GSN: variants seen among roughly 807,000 people sequenced by gnomAD.
GSN encodes the protein actin-depolymerizing factor.
A neutral mutation model predicts 85.7 loss-of-function variants in GSN; 56 were observed. The observed-to-expected ratio is 0.65, with a 90% CI of 0.53 to 0.82. The LOEUF is 0.82. Among genes scored for constraint, GSN ranks in the 40% least tolerant of loss-of-function variants. The pLI is 0.00. For missense variants in GSN, 857 were observed against 979.8 expected (o/e 0.87, Z 1.67); for synonymous variants, 373 against 399.1 (o/e 0.93, Z 0.78).
Position 121,215,088 on chromosome 9 carries a change from C to T in GSN, c.-528+4221C>T, listed in dbSNP as rs1448176596. Reference sequence around the variant, plus strand: ...CAACTTCTGGTGGTAGCCGGCAATCCTTGTTGTTCTTGGATTCTGGCTGCA... The same window carrying T: ...CAACTTCTGGTGGTAGCCGGCAATCTTTGTTGTTCTTGGATTCTGGCTGCA... On this transcript the variant is annotated intron_variant, in intron 4 of 24. Coordinates refer to the GSN transcript ENST00000373823. Among the ~76,000 whole-genome samples, 3 of 152,004 alleles carry T rather than the reference C, an allele frequency of 2.0e-5. No homozygotes were observed. The East Asian group carries it at 5.8e-4, about 29-fold the overall frequency.
Position 121,317,117 on chromosome 9 carries a change from C to G in GSN, c.785C>G (p.Ser262Cys), listed in dbSNP as rs1381551968. The part of the protein sequence containing the change: ...VSNGAGTMSV[S>C]LVADENPFAQ... ...AATGGTGCAGGGACCATGTCCGTCTCCCTCGTGGCTGATGAGAACCCCTTC... is the reference window on the plus strand; with the variant it reads ...AATGGTGCAGGGACCATGTCCGTCTGCCTCGTGGCTGATGAGAACCCCTTC... The change falls in exon 8 of 18, where the codon TCC becomes TGC. Residue 262 changes from serine to cysteine, a missense_variant. Transcript: ENST00000432226. The G allele has an allele frequency of 6.2e-7, 1 of 1,614,092 alleles. No individual in the cohort carries two copies. Among genetic ancestry groups the G allele is most frequent in the East Asian group, 2.2e-5 (1 of 44,892 alleles).
Position 121,226,793 on chromosome 9 carries a change from G to T in GSN, c.-527-4372G>T, listed in dbSNP as rs539023699. On this transcript the variant is annotated intron_variant, in intron 4 of 24. Transcript: ENST00000373823. ...CTTATTGGGCTCCCGGATGGGGGCT[G>T]GTCACCAGAAAGGCCAAGCCACTGT... is the stretch of plus-strand genomic sequence containing the variant. Among the ~76,000 whole-genome samples, 5 of 152,300 alleles carry T rather than the reference G, an allele frequency of 3.3e-5. 1 individual carries two copies. In the East Asian group the frequency reaches 5.8e-4, roughly 18 times the overall value.
At chr9:121,282,413 C>A in intron 2 of GSN, 1 of 1,113,666 alleles carries the variant, frequency 9.0e-7, no homozygotes, top group Non-Finnish European at 1.2e-6. Context: ...CCCCTCCAAC[C>A]CACGCCATCC....
At chr9:121,324,091 T>C (rs1302943467) in intron 11 of GSN, among the ~76,000 whole-genome samples, 1 of 152,138 alleles carries the variant, frequency 6.6e-6, no homozygotes, top group Admixed American at 6.5e-5. Flanking sequence ...CATGGACCTT[T>C]TTGGTGAACA....
At chr9:121,262,613 T>C (rs1264744929) in intron 6 of GSN, among the ~76,000 whole-genome samples, 1 of 152,252 alleles carries the variant, frequency 6.6e-6, no homozygotes, top group East Asian at 1.9e-4. Context: ...CTCTGCTGTG[T>C]AACAGTGAAG....
intron 1 of GSN, among the ~76,000 whole-genome samples, chr9:121,269,752 G>A (rs1258917759): frequency 4.6e-5 from 7 of 152,198 alleles, no homozygotes; most frequent in Admixed American, 3.9e-4. Flanking sequence ...ATCAGGGGAG[G>A]AAAGTTTACT....
chr9:121,305,217 G>T (rs955690651), intron 4 of GSN, among the ~76,000 whole-genome samples: 4 of 152,158 alleles, frequency 2.6e-5, no homozygotes, highest in Non-Finnish European at 4.4e-5. Context: ...TTGACTACAA[G>T]ATCTCATTTA....
intron 6 of GSN, among the ~76,000 whole-genome samples, chr9:121,256,204 T>G (rs915243741): frequency 1.3e-5 from 2 of 152,194 alleles, no homozygotes; most frequent in Non-Finnish European, 2.9e-5. Flanking sequence ...CTTGGGAGTT[T>G]AATCTGTTTA....
chr9:121,243,947 A>G (rs2054652907), intron 5 of GSN, among the ~76,000 whole-genome samples: 1 of 152,216 alleles, frequency 6.6e-6, no homozygotes, highest in African/African-American at 2.4e-5. Flanking sequence ...CACAATCAAA[A>G]TGTAGACCAG....
intron 11 of GSN, among the ~76,000 whole-genome samples, chr9:121,324,084 G>T (rs2062843831): frequency 6.6e-6 from 1 of 152,200 alleles, no homozygotes; most frequent in Non-Finnish European, 1.5e-5. Context: ...CAATCACCAT[G>T]GACCTTTTTG....
At position 121,321,419 on chromosome 9, in the gene GSN, T is replaced by C; in HGVS notation, c.1325+18T>C. The C allele has an allele frequency of 6.2e-7, 1 of 1,611,302 alleles. No individual in the cohort carries two copies. Among genetic ancestry groups the C allele is most frequent in the Non-Finnish European group, 8.5e-7 (1 of 1,177,658 alleles). ...TATAACTGGTGAGGTTCTGGGGCCA[T>C]TGGTGTGTGTCGTGGGGGTACTGGC... On this transcript the variant is annotated intron_variant, in intron 11 of 17. Coordinates refer to ENST00000432226, the MANE Select transcript of GSN (RefSeq NM_198252.3).
intron 2 of GSN, among the ~76,000 whole-genome samples, chr9:121,300,882 G>T (rs2059768626): frequency 6.6e-6 from 1 of 152,064 alleles, no homozygotes; most frequent in Admixed American, 6.5e-5. Context: ...AGGAGAGGGG[G>T]CTCCTGTGGA....
intron 2 of GSN, among the ~76,000 whole-genome samples, chr9:121,297,411 G>A (rs1184317578): frequency 1.3e-5 from 2 of 151,974 alleles, no homozygotes; most frequent in African/African-American, 2.4e-5. Flanking sequence ...TTATCACCCC[G>A]AAAAGTTCCC....
intron 1 of GSN, among the ~76,000 whole-genome samples, chr9:121,279,296 C>CT (rs2057048037): frequency 6.6e-6 from 1 of 152,140 alleles, no homozygotes; most frequent in Non-Finnish European, 1.5e-5. Context: ...GGATCTTGGA[C>CT]TTTATCTGGG....
At chr9:121,277,890 GT>G (rs2056865943) in intron 1 of GSN, among the ~76,000 whole-genome samples, 1 of 151,802 alleles carries the variant, frequency 6.6e-6, no homozygotes, top group African/African-American at 2.4e-5. Context: ...TGGTTTTATA[GT>G]TTTAAAGTGT....
At chr9:121,214,126 A>T (rs1367315733) in intron 4 of GSN, among the ~76,000 whole-genome samples, 2 of 152,224 alleles carry the variant, frequency 1.3e-5, no homozygotes, top group Non-Finnish European at 2.9e-5. Flanking sequence ...ATGCCAGCTC[A>T]GGCACCTAGA....
At position 121,318,098 on chromosome 9, in the gene GSN, T is replaced by C. The variant is rs901423337; in HGVS notation, c.887-308T>C. ...TTCCTTATAGATACTCAGAAAAAGA[T>C]AACAACTTTTTTTATTACTTAAGAC... On this transcript the variant is annotated intron_variant, in intron 8 of 17. Coordinates refer to ENST00000432226, the MANE Select transcript of GSN (RefSeq NM_198252.3). The surrounding 1 kb of genome is among the most constrained non-coding windows in gnomAD (Gnocchi z 4.3). Among the ~76,000 whole-genome samples the C allele has an allele frequency of 1.5e-4, 23 of 152,236 alleles. 1 individual carries two copies. Among genetic ancestry groups the C allele is most frequent in the African/African-American group, 4.3e-4 (18 of 41,460 alleles).
Position 121,318,454 on chromosome 9 carries a change from C to G in GSN, c.935C>G (p.Ser312Cys), listed in dbSNP as rs1475171830. The change falls in exon 9 of 18, where the codon TCT (serine) becomes TGT (cysteine). Residue 312 changes from serine (S) to cysteine (C), a missense_variant. Transcript: ENST00000432226. This position sits in a 1 kb window ranked among gnomAD's most constrained non-coding sequence, Gnocchi z 4.3. ...EERKAALKTA[S>C]DFITKMDYPK... ...AGGAAGGCTGCCCTCAAAACAGCCT[C>G]TGACTTCATCACCAAGATGGACTAC... 6.2e-7 allele frequency: 1 copy of G among 1,614,150 alleles called. No individual in the cohort carries two copies.
At chr9:121,230,744 A>G (rs1028994115) in intron 4 of GSN, among the ~76,000 whole-genome samples, 2 of 152,198 alleles carry the variant, frequency 1.3e-5, no homozygotes, top group African/African-American at 2.4e-5. Context: ...CTGATGCTCA[A>G]TAGACAAAAG....
Sources: gnomAD v4.1 joint callset for allele counts (sites outside exome capture counted in the v4.1 genomes callset) on GRCh38, gnomAD v4.1.1 for gene constraint, Gnocchi (gnomAD v3.1) non-coding constraint, MANE v1.5 for transcripts, NCBI Gene and HGNC (gene_info 2026-07-23, HGNC 2026-07-21) for gene names.